The following RCAN1 variants were observed in gnomAD, a reference collection of about 807,000 sequenced individuals.
RCAN1 encodes calcipressin-1.
In RCAN1, 11 loss-of-function variants were observed where a neutral mutation model predicts 22.9. The ratio of observed to expected loss-of-function variants is 0.48; its 90% CI spans 0.30 to 0.79. The LOEUF (loss-of-function observed/expected upper bound fraction) is 0.79, where lower values mean the gene tolerates loss of function less well. Among genes scored for constraint, RCAN1 ranks in the 30% least tolerant of loss-of-function variants. RCAN1 has a pLI of 0.06. For missense variants in RCAN1, 291 were observed against 337.8 expected (o/e 0.86, Z 1.09); for synonymous variants, 136 against 142.3 (o/e 0.96, Z 0.32).
chr21:34,614,896 G>GC lies in RCAN1; in HGVS notation c.115dup (p.Ala39GlyfsTer15). ...GCCGCCGCCCTCGTCCGCCTCGGCC[G>GC]CCCCCGAGAGGGGCGCGAAGGGCCG... is the stretch of plus-strand genomic sequence containing the variant. On this transcript the variant is annotated frameshift_variant, in exon 1 of 4. Transcript: ENST00000313806. LOFTEE classifies it high-confidence loss of function. The surrounding 1 kb of genome is among the most constrained non-coding windows in gnomAD (Gnocchi z 6.0). The GC allele has an allele frequency of 2.1e-6, 3 of 1,434,216 alleles. No homozygotes were observed. The highest frequency in any genetic ancestry group is 2.3e-5 in the Admixed American group (1 of 43,862). The allele number at this position is 1,434,216 out of a possible 1,614,324, so 88.8% of individuals were successfully genotyped here.
chr21:34,601,938 A>C (rs577715377), intron 1 of RCAN1, among the ~76,000 whole-genome samples: 3 of 152,288 alleles, frequency 2.0e-5, no homozygotes, highest in African/African-American at 7.2e-5. Context: ...TGAGCCATGA[A>C]AATTACTAAG....
At chr21:34,526,794 C>A in intron 1 of RCAN1, 2 of 1,581,746 alleles carry the variant, frequency 1.3e-6, no homozygotes, top group East Asian at 4.6e-5. Context: ...CGCAGTCAAG[C>A]CCCTAGTGAG....
chr21:34,565,797 C>A lies in RCAN1; in HGVS notation c.253-42087G>T, dbSNP rs147362363. Among the ~76,000 whole-genome samples, 395 of 152,302 alleles carry A rather than the reference C, an allele frequency of 2.6e-3. 4 individuals carry two copies. The highest frequency in any genetic ancestry group is 8.8e-3 in the African/African-American group (367 of 41,572). ...CAAAATGTGTGGCTTACATAACTAG[C>A]ACAAAGAGCTGGTATACCTTGTGAT... On this transcript the variant is annotated intron_variant, in intron 1 of 3. Coordinates refer to ENST00000313806, the MANE Select transcript of RCAN1 (RefSeq NM_004414.7).
rs777222880 is a variant in RCAN1 at position 34,614,751 on chromosome 21, G to T, written c.252+9C>A. 1.4e-6 allele frequency: 2 copies of T among 1,421,624 alleles called. No homozygotes were observed. Among genetic ancestry groups the T allele is most frequent in the Non-Finnish European group, 1.8e-6 (2 of 1,081,872 alleles). 88.1% of individuals were successfully genotyped at this position (1,421,624 alleles called of 1,614,324 possible). On this transcript the variant is annotated intron_variant, in intron 1 of 3. Transcript: ENST00000313806. The surrounding 1 kb of genome is among the most constrained non-coding windows in gnomAD (Gnocchi z 6.0). Reference sequence around the variant, plus strand: ...TCCGCCCCGACGGCCCGCCCGGCGCGGTCCTCACCCGGCACAGGCCGTCCA... The same window carrying T: ...TCCGCCCCGACGGCCCGCCCGGCGCTGTCCTCACCCGGCACAGGCCGTCCA...
chr21:34,612,293 T>A (rs1322049302), intron 1 of RCAN1, among the ~76,000 whole-genome samples: 1 of 152,166 alleles, frequency 6.6e-6, no homozygotes, highest in Non-Finnish European at 1.5e-5. Context: ...TTATCCAACC[T>A]CAGCTACCAA....
At chr21:34,536,171 GGCA>G (rs1985662587) in intron 1 of RCAN1, among the ~76,000 whole-genome samples, 2 of 152,316 alleles carry the variant, frequency 1.3e-5, no homozygotes, top group South Asian at 4.1e-4. Flanking sequence ...AATAGCCACA[GGCA>G]AATCAAAACT....
intron 1 of RCAN1, among the ~76,000 whole-genome samples, chr21:34,596,854 C>T (rs1427219493): frequency 6.6e-6 from 1 of 152,206 alleles, no homozygotes; most frequent in African/African-American, 2.4e-5. Context: ...TGGCTGGACC[C>T]ACACTAGGGA....
chr21:34,528,057 C>T (rs915507812), intron 1 of RCAN1, among the ~76,000 whole-genome samples: 2 of 152,164 alleles, frequency 1.3e-5, no homozygotes, highest in Non-Finnish European at 2.9e-5. Context: ...GTCCTATGTT[C>T]TTCTCACTCT....
intron 1 of RCAN1, among the ~76,000 whole-genome samples, chr21:34,558,388 C>T (rs1381494374): frequency 6.6e-6 from 1 of 152,156 alleles, no homozygotes; most frequent in Non-Finnish European, 1.5e-5. Flanking sequence ...TAAGCTGACA[C>T]CCAACTCCAC....
chr21:34,593,833 A>T (rs1455875235), intron 1 of RCAN1, among the ~76,000 whole-genome samples: 1 of 152,266 alleles, frequency 6.6e-6, no homozygotes, highest in East Asian at 1.9e-4. Flanking sequence ...CTCAAAGAGC[A>T]GGTGCTCAGT....
At chr21:34,571,958 T>A (rs1568916348) in intron 1 of RCAN1, among the ~76,000 whole-genome samples, 1 of 152,216 alleles carries the variant, frequency 6.6e-6, no homozygotes, top group African/African-American at 2.4e-5. Context: ...TAATCACCAC[T>A]AGTGTAATTG....
At chr21:34,538,898 C>A (rs1205496141) in intron 1 of RCAN1, among the ~76,000 whole-genome samples, 2 of 152,122 alleles carry the variant, frequency 1.3e-5, no homozygotes, top group Admixed American at 1.3e-4. Context: ...AACCGACCAA[C>A]CCGCAAGGCC....
chr21:34,525,595 A>T (rs527711291), intron 1 of RCAN1: 1 of 428,934 alleles, frequency 2.3e-6, no homozygotes, highest in African/African-American at 2.0e-5. Context: ...TATTTTTAGA[A>T]TACAGGTTCA....
In RCAN1 at chr21:34,533,162, G is replaced by A. The variant is rs1462247056; in HGVS notation, c.253-9452C>T. ...TTTTTAGTAGAGATGGGGTTTCACC[G>A]TGTTAGCCAGGATGGTCTTGATCTC... On this transcript the variant is annotated intron_variant, in intron 1 of 3. Coordinates refer to ENST00000313806, the MANE Select transcript of RCAN1 (RefSeq NM_004414.7). 1.1e-4 allele frequency among the ~76,000 whole-genome samples: 17 copies of A among 151,770 alleles called. No individual in the cohort carries two copies. In the East Asian group the frequency reaches 1.6e-3, roughly 14 times the overall value.
In RCAN1 at chr21:34,587,890, T is replaced by C. The variant is rs1054392448; in HGVS notation, c.252+26870A>G. 2.6e-5 allele frequency among the ~76,000 whole-genome samples: 4 copies of C among 152,162 alleles called. No individual in the cohort carries two copies. The East Asian group carries it at 7.7e-4, about 29-fold the overall frequency. On this transcript the variant is annotated intron_variant, in intron 1 of 3. Coordinates refer to ENST00000313806, the MANE Select transcript of RCAN1 (RefSeq NM_004414.7). Reference sequence around the variant, plus strand: ...ATTAGTGAACTCTGAGTAAAGTATATTGGCAGGGAGCTCATCCAATCAGTT... The same window carrying C: ...ATTAGTGAACTCTGAGTAAAGTATACTGGCAGGGAGCTCATCCAATCAGTT...
At chr21:34,521,414 C>T (rs933084288) in intron 3 of RCAN1, 85 bp downstream of exon 3, 14 of 1,603,824 alleles carry the variant, frequency 8.7e-6, no homozygotes, top group Middle Eastern at 1.6e-4. Context: ...AGGAGAGCTA[C>T]GGGGGTAGTG....
At chr21:34,544,105 C>CT (rs1232502368) in intron 1 of RCAN1, among the ~76,000 whole-genome samples, 1 of 152,250 alleles carries the variant, frequency 6.6e-6, no homozygotes. Context: ...AGCTGCCTTA[C>CT]TTGGCAACTT....
intron 3 of RCAN1, chr21:34,520,993 G>A (rs1259815554): frequency 1.1e-6 from 1 of 935,522 alleles, no homozygotes; most frequent in Non-Finnish European, 1.3e-6. Context: ...CCTGGGGTAG[G>A]GCAGCCCGAC....
At chr21:34,570,027 G>A (rs989719795) in intron 1 of RCAN1, among the ~76,000 whole-genome samples, 9 of 152,234 alleles carry the variant, frequency 5.9e-5, no homozygotes, top group African/African-American at 2.2e-4. Context: ...GAAGCTGGTG[G>A]CACAGCCCAA....
Sources: gnomAD v4.1 joint callset for allele counts (sites outside exome capture counted in the v4.1 genomes callset) on GRCh38, gnomAD v4.1.1 for gene constraint, Gnocchi (gnomAD v3.1) non-coding constraint, MANE v1.5 for transcripts, NCBI Gene and HGNC (gene_info 2026-07-23, HGNC 2026-07-21) for gene names.